NRXN1: variants seen among roughly 807,000 people sequenced by gnomAD.
The protein encoded by NRXN1 is neurexin-1.
Under a neutral mutation model 150.9 loss-of-function variants are expected in NRXN1, and 39 were observed. That is an observed-to-expected ratio of 0.26 (90% CI 0.20 to 0.34). The LOEUF is 0.34. Among genes scored for constraint, NRXN1 ranks in the 10% least tolerant of loss-of-function variants. The pLI, the probability that NRXN1 is intolerant of heterozygous loss-of-function variation, is 1.00. For missense variants in NRXN1, 1,815 were observed against 1,949.9 expected (o/e 0.93, Z 1.30); for synonymous variants, 924 against 757.0 (o/e 1.22, Z -3.62).
At chr2:50,413,393 T>C (rs1437318381) in intron 17 of NRXN1, among the ~76,000 whole-genome samples, 3 of 151,600 alleles carry the variant, frequency 2.0e-5, no homozygotes, top group African/African-American at 4.8e-5. Context: ...AAAGAAGACA[T>C]ACAAATGGCA....
chr2:50,913,076 C>G (rs145048561), intron 5 of NRXN1: 1 of 151,792 alleles, frequency 6.6e-6, no homozygotes, highest in Non-Finnish European at 1.5e-5. Context: ...CAATTCAAAA[C>G]GCATTTCTGC....
chr2:50,483,880 G>A (rs1017488321), intron 15 of NRXN1, among the ~76,000 whole-genome samples: 5 of 152,068 alleles, frequency 3.3e-5, no homozygotes, highest in African/African-American at 9.7e-5. Flanking sequence ...ATTTTTTCCC[G>A]AATAGTGTAT....
intron 17 of NRXN1, among the ~76,000 whole-genome samples, chr2:50,284,079 A>T (rs1262799515): frequency 6.6e-6 from 1 of 152,166 alleles, no homozygotes; most frequent in Non-Finnish European, 1.5e-5. Flanking sequence ...GATTCCTATG[A>T]TTCTGAGTCT....
At chr2:50,683,382 C>T (rs533772449) in intron 5 of NRXN1, among the ~76,000 whole-genome samples, 2 of 150,794 alleles carry the variant, frequency 1.3e-5, no homozygotes, top group African/African-American at 4.9e-5. Context: ...CCTGTAATTC[C>T]AGCACTTTGG....
At chr2:50,396,695 G>C (rs969967502) in intron 17 of NRXN1, among the ~76,000 whole-genome samples, 3 of 152,116 alleles carry the variant, frequency 2.0e-5, no homozygotes, top group African/African-American at 7.2e-5. Flanking sequence ...ACCATAAAGG[G>C]ACTCACGCAC....
chr2:50,541,823 T>C lies in NRXN1; in HGVS notation c.1760-3187A>G, dbSNP rs535341630. Reference sequence around the variant, plus strand: ...CATCATATCATTTTATTAAAACAAATGCTGGACCATCAATGGATTTTAGCA... The same window carrying C: ...CATCATATCATTTTATTAAAACAAACGCTGGACCATCAATGGATTTTAGCA... On this transcript the variant is annotated intron_variant, in intron 9 of 22. Coordinates refer to ENST00000401669, the MANE Select transcript of NRXN1 (RefSeq NM_001330078.2). Among the ~76,000 whole-genome samples, 44 of 151,832 alleles carry C rather than the reference T, an allele frequency of 2.9e-4. No individual in the cohort carries two copies. In the South Asian group the frequency reaches 4.8e-3, roughly 16 times the overall value.
intron 17 of NRXN1, among the ~76,000 whole-genome samples, chr2:50,239,590 G>A (rs982734353): frequency 4.3e-5 from 6 of 141,152 alleles, no homozygotes; most frequent in South Asian, 4.5e-4. Flanking sequence ...AAAGATTAAC[G>A]TGCTATCTAA....
chr2:49,943,852 T>G (rs1261234595), intron 21 of NRXN1, 61 bp from the exon 22 acceptor site: 3 of 1,199,370 alleles, frequency 2.5e-6, no homozygotes, highest in Non-Finnish European at 3.7e-6. Context: ...CTCTCATCTT[T>G]GTCTCATTGA....
At chr2:50,641,642 C>A (rs1684093949) in intron 5 of NRXN1, among the ~76,000 whole-genome samples, 1 of 152,054 alleles carries the variant, frequency 6.6e-6, no homozygotes, top group South Asian at 2.1e-4. Flanking sequence ...GCAGCCTTAG[C>A]AGATTTGAGG....
At chr2:50,195,902 T>C (rs765657841) in intron 18 of NRXN1, among the ~76,000 whole-genome samples, 3 of 152,112 alleles carry the variant, frequency 2.0e-5, no homozygotes, top group Admixed American at 6.6e-5. Context: ...AATATAATAA[T>C]AGTAATATTG....
chr2:50,591,449 A>C (rs549461014), intron 8 of NRXN1, among the ~76,000 whole-genome samples: 1 of 147,368 alleles, frequency 6.8e-6, no homozygotes, highest in Non-Finnish European at 1.5e-5. Flanking sequence ...GATGTATACT[A>C]GTCAGGCCTT....
chr2:50,932,751 T>C (rs1574969448), intron 2 of NRXN1, among the ~76,000 whole-genome samples: 2 of 152,070 alleles, frequency 1.3e-5, no homozygotes, highest in South Asian at 2.1e-4. Flanking sequence ...AATAATGTGC[T>C]AGAAAAACAC....
chr2:50,932,808 A>G (rs1687961860), intron 2 of NRXN1, among the ~76,000 whole-genome samples: 1 of 152,152 alleles, frequency 6.6e-6, no homozygotes, highest in South Asian at 2.1e-4. Flanking sequence ...CTTAACAGCA[A>G]TAGAATAAAT....
At chr2:50,020,627 CTG>C (rs1687421407) in intron 21 of NRXN1, among the ~76,000 whole-genome samples, 1 of 152,162 alleles carries the variant, frequency 6.6e-6, no homozygotes, top group African/African-American at 2.4e-5. Flanking sequence ...TCAAAATGCT[CTG>C]TTTCACTTCT....
intron 18 of NRXN1, among the ~76,000 whole-genome samples, chr2:50,123,286 C>A (rs1302520464): frequency 6.6e-6 from 1 of 152,044 alleles, no homozygotes; most frequent in African/African-American, 2.4e-5. Flanking sequence ...GAAAGCCTCA[C>A]TAGAAAGGTG....
intron 17 of NRXN1, among the ~76,000 whole-genome samples, chr2:50,341,902 G>T (rs972611330): frequency 3.9e-5 from 6 of 152,090 alleles, no homozygotes; most frequent in Non-Finnish European, 7.4e-5. Context: ...TAAACTTTAT[G>T]TTTTTTGCAT....
At chr2:50,688,409 C>G (rs1054315828) in intron 5 of NRXN1, among the ~76,000 whole-genome samples, 1 of 152,098 alleles carries the variant, frequency 6.6e-6, no homozygotes, top group Admixed American at 6.6e-5. Context: ...TCCTTATATA[C>G]CTTATTATTG....
intron 17 of NRXN1, among the ~76,000 whole-genome samples, chr2:50,460,925 G>T (rs77457489): frequency 0.018 from 2,731 of 152,058 alleles, 84 homozygotes; most frequent in African/African-American, 0.063. Flanking sequence ...ATTTTATTCA[G>T]CCCTAAGTGA....
intron 17 of NRXN1, among the ~76,000 whole-genome samples, chr2:50,399,552 C>G (rs2082260628): frequency 1.3e-5 from 2 of 151,746 alleles, no homozygotes; most frequent in Admixed American, 6.6e-5. Flanking sequence ...GGGCCCTTTG[C>G]TCTTTCAAGG....
Sources: gnomAD v4.1 joint callset for allele counts (sites outside exome capture counted in the v4.1 genomes callset) on GRCh38, gnomAD v4.1.1 for gene constraint, MANE v1.5 for transcripts, NCBI Gene and HGNC (gene_info 2026-07-23, HGNC 2026-07-21) for gene names.